Variants in TMPRSS11E observed in about 807,000 individuals in gnomAD.
TMPRSS11E encodes the protein transmembrane serine protease 11E.
TMPRSS11E carries 38 observed loss-of-function variants against 48.1 expected under a neutral mutation model. That is an observed-to-expected ratio of 0.79 (90% CI 0.61 to 1.04). TMPRSS11E has a LOEUF of 1.04. Ranked by LOEUF, TMPRSS11E falls within the 50% of genes least tolerant of loss-of-function variation. TMPRSS11E has a pLI of 0.00. For synonymous variants in TMPRSS11E, 158 were observed against 171.9 expected, an observed-to-expected ratio of 0.92 and a Z score of 0.63; for missense variants, 530 against 510.8, an observed-to-expected ratio of 1.04 and a Z score of -0.36.
chr4:68,467,685 C>T (rs1728962731), intron 3 of TMPRSS11E, among the ~76,000 whole-genome samples: 1 of 152,172 alleles, frequency 6.6e-6, no homozygotes, highest in South Asian at 2.1e-4. Context: ...CTGGAAACCG[C>T]CCAGTAGACA....
intron 9 of TMPRSS11E, among the ~76,000 whole-genome samples, chr4:68,483,358 C>A (rs972819838): frequency 6.6e-6 from 1 of 152,162 alleles, no homozygotes; most frequent in African/African-American, 2.4e-5. Flanking sequence ...GATCCGTTAC[C>A]CAAACAACTC....
At position 68,471,462 on chromosome 4, in the gene TMPRSS11E, A is replaced by G. The variant is rs768480421; in HGVS notation, c.329A>G (p.Gln110Arg). The change falls in exon 5 of 10, where the codon CAA becomes CGA. Residue 110 changes from glutamine to arginine, a missense_variant and splice_region_variant. By Grantham distance (43) the Gln-to-Arg change is conservative. Transcript: ENST00000305363. The part of the protein sequence containing the change: ...FVKSQVIKFS[Q>R]QKHGVLAHML... ...TTTTCTTCTTTTTTGGCCCACAGTC[A>G]ACAGAAGCATGGAGTGTTGGCTCAT... is the stretch of plus-strand genomic sequence containing the variant. 6.7e-7 allele frequency: 1 copy of G among 1,498,620 alleles called. No homozygotes were observed. The highest frequency in any genetic ancestry group is 1.5e-5 in the African/African-American group (1 of 67,096). 92.8% of individuals were successfully genotyped at this position (1,498,620 alleles called of 1,614,324 possible). A position where few individuals can be genotyped will look rare whatever the true frequency, so the allele number is the denominator to read the frequency against.
At chr4:68,455,011 T>C (rs1728590744) in intron 1 of TMPRSS11E, among the ~76,000 whole-genome samples, 1 of 151,940 alleles carries the variant, frequency 6.6e-6, no homozygotes, top group African/African-American at 2.4e-5. Flanking sequence ...ATTTCCCTAC[T>C]GTACTGAATG....
chr4:68,475,281 T>G (rs1729179641), intron 6 of TMPRSS11E, among the ~76,000 whole-genome samples: 1 of 152,144 alleles, frequency 6.6e-6, no homozygotes, highest in African/African-American at 2.4e-5. Context: ...GATAATATCT[T>G]CACCTATATT....
At chr4:68,468,326 A>C (rs1728977142) in intron 3 of TMPRSS11E, among the ~76,000 whole-genome samples, 1 of 152,064 alleles carries the variant, frequency 6.6e-6, no homozygotes, top group Non-Finnish European at 1.5e-5. Flanking sequence ...AGACTCTTTC[A>C]CTTTAGTAGA....
Position 68,471,541 on chromosome 4 carries a change from A to C in TMPRSS11E, c.408A>C (p.Lys136Asn), listed in dbSNP as rs779507038. The change falls in exon 5 of 10, where the codon AAA becomes AAC. Residue 136 changes from lysine (K) to asparagine (N), a missense_variant. Transcript: ENST00000305363. ...HSTEDPETVD[K>N]IVQLVLHEKL... is the part of the protein sequence containing the mutation. ...CTGAGGATCCTGAAACTGTAGATAA[A>C]ATTGTTCAACTTGTTTTACATGAAA... The C allele has an allele frequency of 6.2e-7, 1 of 1,611,678 alleles. No individual in the cohort carries two copies. Among genetic ancestry groups the C allele is most frequent in the Admixed American group, 1.7e-5 (1 of 59,620 alleles).
intron 2 of TMPRSS11E, among the ~76,000 whole-genome samples, chr4:68,465,723 G>A (rs1180214529): frequency 6.6e-6 from 1 of 152,096 alleles, no homozygotes; most frequent in Non-Finnish European, 1.5e-5. Context: ...GACTGTGACT[G>A]GATGAGCCAC....
At chr4:68,472,611 G>C (rs1385150468) in intron 5 of TMPRSS11E, among the ~76,000 whole-genome samples, 1 of 151,970 alleles carries the variant, frequency 6.6e-6, no homozygotes, top group Non-Finnish European at 1.5e-5. Flanking sequence ...CAAGTAGAGA[G>C]AATGAATACA....
intron 9 of TMPRSS11E, among the ~76,000 whole-genome samples, chr4:68,493,057 C>T (rs931728777): frequency 5.9e-5 from 9 of 151,916 alleles, no homozygotes; most frequent in African/African-American, 2.2e-4. Context: ...ATAGTAATGT[C>T]CTTCCTAAAA....
chr4:68,471,736 A>G, intron 5 of TMPRSS11E, 113 bp downstream of exon 5: 1 of 685,010 alleles, frequency 1.5e-6, no homozygotes, highest in Non-Finnish European at 2.3e-6. Context: ...TCTTGCCACC[A>G]ACAGTATATT....
chr4:68,494,557 C>T lies in TMPRSS11E; in HGVS notation c.1111-2086C>T, dbSNP rs574355107. 2.0e-5 allele frequency among the ~76,000 whole-genome samples: 3 copies of T among 152,268 alleles called. No homozygotes were observed. In the South Asian group the frequency reaches 6.2e-4, roughly 32 times the overall value. ...ACTTCCACGGCTTCCTGTTTGGCTT[C>T]TTCCAATTTTAGAAGTTTCTGAATA... is the stretch of plus-strand genomic sequence containing the variant. On this transcript the variant is annotated intron_variant, in intron 9 of 9. Transcript: ENST00000305363.
chr4:68,456,753 C>T (rs1414953287), intron 1 of TMPRSS11E, among the ~76,000 whole-genome samples: 1 of 152,080 alleles, frequency 6.6e-6, no homozygotes, highest in Non-Finnish European at 1.5e-5. Flanking sequence ...AATAATGCCA[C>T]ACATCTGCAA....
intron 9 of TMPRSS11E, among the ~76,000 whole-genome samples, chr4:68,491,687 T>C (rs975541419): frequency 7.9e-5 from 12 of 152,230 alleles, no homozygotes; most frequent in African/African-American, 2.9e-4. Flanking sequence ...AATGCTTTCA[T>C]AATTTTCATT....
chr4:68,479,161 G>T (rs1244779678), intron 9 of TMPRSS11E, among the ~76,000 whole-genome samples, 170 bp downstream of exon 9: 1 of 152,106 alleles, frequency 6.6e-6, no homozygotes, highest in African/African-American at 2.4e-5. Flanking sequence ...TAAGATCTGG[G>T]AAACTGACAG....
chr4:68,476,365 G>A lies in TMPRSS11E; in HGVS notation c.634G>A (p.Asp212Asn). Residue 212 changes from aspartate (D) to asparagine (N), a missense_variant, in exon 7 of 10, where the codon GAT (aspartate) becomes AAT (asparagine). Physicochemically the swap from Asp to Asn is conservative, Grantham distance 23 (BLOSUM62 1). Transcript: ENST00000305363. ...EWPWQASLQW[D>N]GSHRCGATLI... is the part of the protein sequence containing the mutation. The stretch of plus-strand genomic sequence containing the variant: ...GCCCTGGCAGGCTAGCCTGCAGTGG[G>A]ATGGGAGTCATCGCTGTGGAGCAAC... 1 of 1,614,182 alleles carries A rather than the reference G, an allele frequency of 6.2e-7. No individual in the cohort carries two copies. The highest frequency in any genetic ancestry group is 8.5e-7 in the Non-Finnish European group (1 of 1,179,996).
At position 68,496,937 on chromosome 4, in the gene TMPRSS11E, G is replaced by A. The variant is rs939524493; in HGVS notation, c.*133G>A. 4.4e-6 allele frequency: 4 copies of A among 906,734 alleles called. No individual in the cohort carries two copies. The African/African-American group carries it at 5.0e-5, about 11-fold the overall frequency. 56.2% of individuals were successfully genotyped at this position (906,734 alleles called of 1,614,324 possible). A position where few individuals can be genotyped will look rare whatever the true frequency, so the allele number is the denominator to read the frequency against. Reference sequence around the variant, plus strand: ...ACTGATCTCAATAAACTGTTTGCTTGATGCATGTATTTTCTTCCCAGCTCT... The same window carrying A: ...ACTGATCTCAATAAACTGTTTGCTTAATGCATGTATTTTCTTCCCAGCTCT... On this transcript the variant is annotated 3_prime_UTR_variant, in exon 10 of 10. Coordinates refer to ENST00000305363, the MANE Select transcript of TMPRSS11E (RefSeq NM_014058.4).
At chr4:68,486,273 AT>A (rs1305291025) in intron 9 of TMPRSS11E, among the ~76,000 whole-genome samples, 1 of 152,082 alleles carries the variant, frequency 6.6e-6, no homozygotes. Context: ...CGATGTTGGC[AT>A]TTTGCCCCAT....
chr4:68,467,705 G>A (rs1728963271), intron 3 of TMPRSS11E, among the ~76,000 whole-genome samples: 1 of 152,286 alleles, frequency 6.6e-6, no homozygotes, highest in South Asian at 2.1e-4. Flanking sequence ...AGAAGCCTGG[G>A]GATTTGGCCA....
intron 9 of TMPRSS11E, among the ~76,000 whole-genome samples, chr4:68,485,178 G>A (rs370118351): frequency 5.9e-5 from 9 of 151,734 alleles, no homozygotes; most frequent in Admixed American, 2.0e-4. Flanking sequence ...ACAGAGTCTC[G>A]CTTTGTCACC....
Sources: allele counts gnomAD v4.1 joint callset (sites outside exome capture counted in the v4.1 genomes callset), GRCh38; gene constraint gnomAD v4.1.1; transcripts MANE v1.5; gene names NCBI Gene and HGNC (gene_info 2026-07-23, HGNC 2026-07-21).